CEP170: variants seen among roughly 807,000 people sequenced by gnomAD.
CEP170 encodes the protein centrosomal protein 170.
In CEP170, 21 loss-of-function variants were observed where a neutral mutation model predicts 151.9. The ratio of observed to expected loss-of-function variants is 0.14; its 90% CI spans 0.10 to 0.20. The LOEUF is 0.20. Ranked by LOEUF, CEP170 falls within the 10% of genes least tolerant of loss-of-function variation. The pLI, the probability that CEP170 is intolerant of heterozygous loss-of-function variation, is 1.00. For synonymous variants in CEP170, 356 were observed against 648.8 expected (o/e 0.55, Z 6.86); for missense variants, 964 against 1,892.9 (o/e 0.51, Z 9.11).
At chr1:243,220,631 G>C (rs373847251) in intron 3 of CEP170, among the ~76,000 whole-genome samples, 1 of 152,174 alleles carries the variant, frequency 6.6e-6, no homozygotes, top group Non-Finnish European at 1.5e-5. Context: ...TGAAAAGCAT[G>C]AATAGTCTGA....
At chr1:243,206,341 C>T (rs1572278178) in intron 4 of CEP170, among the ~76,000 whole-genome samples, 4 of 150,186 alleles carry the variant, frequency 2.7e-5, no homozygotes, top group African/African-American at 9.8e-5. Context: ...CCCATGTTTG[C>T]GAGGCTGATC....
chr1:243,246,520 C>G (rs374190997), intron 1 of CEP170, among the ~76,000 whole-genome samples: 1 of 152,148 alleles, frequency 6.6e-6, no homozygotes, highest in Non-Finnish European at 1.5e-5. Context: ...GCATGAGCCA[C>G]TGGGCCCGGC....
rs1245324159 is a variant in CEP170 at position 243,185,426 on chromosome 1, G to GT, written c.1566+352dup. 6.6e-6 allele frequency among the ~76,000 whole-genome samples: 1 copy of GT among 152,186 alleles called. No homozygotes were observed. The highest frequency in any genetic ancestry group is 2.4e-5 in the African/African-American group (1 of 41,444). On this transcript the variant is annotated intron_variant, in intron 10 of 19. Coordinates refer to ENST00000366542, the MANE Select transcript of CEP170 (RefSeq NM_014812.3). The surrounding 1 kb of genome is among the most constrained non-coding windows in gnomAD (Gnocchi z 4.9). ...TAATATCTACATTTATGTTAACAGA[G>GT]TTATAGCAATGTTTGTTGGTTGTTT...
chr1:243,166,253 A>T, intron 12 of CEP170, 137 bp from the exon 13 acceptor site: 1 of 1,091,252 alleles, frequency 9.2e-7, no homozygotes, highest in Non-Finnish European at 1.3e-6. Flanking sequence ...CCAAATCCCA[A>T]GGATGCTTGA....
At chr1:243,197,277 T>G (rs1558561980) in intron 7 of CEP170, among the ~76,000 whole-genome samples, 1 of 152,016 alleles carries the variant, frequency 6.6e-6, no homozygotes, top group African/African-American at 2.4e-5. Flanking sequence ...ACATCCTTGG[T>G]TTTCTTTCAA....
At chr1:243,205,401 C>T (rs1287793232) in intron 4 of CEP170, among the ~76,000 whole-genome samples, 2 of 152,160 alleles carry the variant, frequency 1.3e-5, no homozygotes, top group Admixed American at 1.3e-4. Flanking sequence ...GTTTTTCAGG[C>T]CACGTGATCT....
At chr1:243,159,419 G>T (rs1331995417) in intron 13 of CEP170, among the ~76,000 whole-genome samples, 1 of 152,158 alleles carries the variant, frequency 6.6e-6, no homozygotes, top group Non-Finnish European at 1.5e-5. Context: ...ATTTCTCAAA[G>T]AATTTATTTC....
intron 15 of CEP170, among the ~76,000 whole-genome samples, chr1:243,141,619 T>G (rs1379770606): frequency 1.3e-5 from 2 of 152,176 alleles, no homozygotes; most frequent in Non-Finnish European, 2.9e-5. Context: ...GCAGCCAACA[T>G]GGCCAAAGAG....
chr1:243,156,297 A>C lies in CEP170; in HGVS notation c.3835T>G (p.Ser1279Ala). The change falls in exon 14 of 20, where the codon TCT becomes GCT. Residue 1279 changes from serine (S) to alanine (A), a missense_variant. Physicochemically the swap from Ser to Ala is moderately conservative, Grantham distance 99. Coordinates refer to ENST00000366542, the MANE Select transcript of CEP170 (RefSeq NM_014812.3). The stretch of plus-strand genomic sequence containing the variant: ...TCTTTAATCCGGTGTTTGAATGAAG[A>C]ACTAGTAGGCATTGCTGATCCAGCG... ...QSAGSAMPTS[S>A]SFKHRIKEQE... The C allele has an allele frequency of 6.3e-7, 1 of 1,592,048 alleles. No individual in the cohort carries two copies.
At chr1:243,206,919 C>A (rs1213821162) in intron 4 of CEP170, among the ~76,000 whole-genome samples, 2 of 151,780 alleles carry the variant, frequency 1.3e-5, no homozygotes, top group African/African-American at 4.8e-5. Context: ...AAAACAACAA[C>A]AAAAAATTAC....
intron 13 of CEP170, among the ~76,000 whole-genome samples, chr1:243,157,596 G>A (rs1421449859): frequency 6.6e-6 from 1 of 152,164 alleles, no homozygotes; most frequent in East Asian, 1.9e-4. Context: ...TGTTTAAAGT[G>A]AAAAAACCTT....
In CEP170 at chr1:243,241,381, A is replaced by T. The variant is rs556045820; in HGVS notation, c.-42+13659T>A. Among the ~76,000 whole-genome samples the T allele has an allele frequency of 5.2e-4, 79 of 152,358 alleles. 1 individual carries two copies. The highest frequency in any genetic ancestry group is 9.3e-4 in the Non-Finnish European group (63 of 68,032). On this transcript the variant is annotated intron_variant, in intron 1 of 19. Coordinates refer to ENST00000366542, the MANE Select transcript of CEP170 (RefSeq NM_014812.3). The stretch of plus-strand genomic sequence containing the variant: ...CCAAAATGTCATTATAACTAAAATG[A>T]CTGCTTTGTGAATTAAAACATGATA...
intron 1 of CEP170, among the ~76,000 whole-genome samples, chr1:243,246,712 G>A (rs911170638): frequency 1.3e-5 from 2 of 152,162 alleles, no homozygotes; most frequent in Non-Finnish European, 2.9e-5. Flanking sequence ...TTACTGGCTA[G>A]TGGGATTATG....
chr1:243,144,589 C>T (rs1052799642), intron 14 of CEP170, among the ~76,000 whole-genome samples: 1 of 152,086 alleles, frequency 6.6e-6, no homozygotes, highest in African/African-American at 2.4e-5. Context: ...GTATCCAAAA[C>T]TCTATTTTTC....
chr1:243,179,299 A>G (rs1276652335), intron 10 of CEP170, among the ~76,000 whole-genome samples: 2 of 152,100 alleles, frequency 1.3e-5, no homozygotes, highest in Non-Finnish European at 2.9e-5. Context: ...TACAGTCCCT[A>G]TAAGCTGGAA....
chr1:243,177,502 C>T (rs1397943858), intron 10 of CEP170, among the ~76,000 whole-genome samples: 4 of 152,132 alleles, frequency 2.6e-5, no homozygotes, highest in African/African-American at 9.7e-5. Flanking sequence ...CTCAGATAAC[C>T]AGAACATCTT....
intron 14 of CEP170, among the ~76,000 whole-genome samples, chr1:243,145,717 G>A (rs956788822): frequency 8.5e-5 from 13 of 152,124 alleles, no homozygotes; most frequent in Admixed American, 3.3e-4. Flanking sequence ...TATTAATGAA[G>A]TATACTAGCT....
intron 1 of CEP170, among the ~76,000 whole-genome samples, chr1:243,228,060 A>T (rs1325465300): frequency 6.6e-6 from 1 of 152,218 alleles, no homozygotes; most frequent in African/African-American, 2.4e-5. Flanking sequence ...AAAGAATAAT[A>T]CTTGTAAATA....
In CEP170 at chr1:243,169,740, T is replaced by A; in HGVS notation, c.1731A>T (p.Ser577=). The A allele has an allele frequency of 1.9e-6, 3 of 1,613,324 alleles. No individual in the cohort carries two copies. Among genetic ancestry groups the A allele is most frequent in the Non-Finnish European group, 2.5e-6 (3 of 1,179,660 alleles). The stretch of plus-strand genomic sequence containing the variant: ...GTGAAACCCAACGTTTGCTTCCAGA[T>A]GAAGATGTGCCTTCCTAAAGGAGAA... The part of the protein sequence containing the change: ...GFHHSEEGTS[S]SGSKRWVSQW... Residue 577 remains serine (S), a synonymous_variant, in exon 12 of 20, where the codon TCA becomes TCT. Coordinates refer to ENST00000366542, the MANE Select transcript of CEP170 (RefSeq NM_014812.3).
Sources: allele counts gnomAD v4.1 joint callset (sites outside exome capture counted in the v4.1 genomes callset), GRCh38; gene constraint gnomAD v4.1.1; non-coding constraint Gnocchi (gnomAD v3.1); transcripts MANE v1.5; gene names NCBI Gene and HGNC (gene_info 2026-07-23, HGNC 2026-07-21).